POC1A: variants seen among roughly 807,000 people sequenced by gnomAD.
POC1A encodes the protein POC1 centriolar protein homolog A.
Under a neutral mutation model 47.8 loss-of-function variants are expected in POC1A, and 34 were observed. The ratio of observed to expected loss-of-function variants is 0.71; its 90% confidence interval spans 0.54 to 0.95. The LOEUF (loss-of-function observed/expected upper bound fraction) is 0.95, where lower values mean the gene tolerates loss of function less well. Ranked by LOEUF, POC1A falls within the 40% of genes least tolerant of loss-of-function variation. POC1A has a pLI of 0.00. For synonymous variants in POC1A, 177 were observed against 207.6 expected (o/e 0.85, Z 1.27); for missense variants, 466 against 528.3 (o/e 0.88, Z 1.16).
intron 6 of POC1A, among the ~76,000 whole-genome samples, chr3:52,141,478 G>A (rs760194801): frequency 2.0e-4 from 31 of 152,340 alleles, no homozygotes; most frequent in Non-Finnish European, 3.4e-4. Flanking sequence ...GGGTTGACAA[G>A]AGGCTTTGGA....
At position 52,093,703 on chromosome 3, in the gene POC1A, T is replaced by C. The variant is rs189718920; in HGVS notation, c.1125+2866A>G. Among the ~76,000 whole-genome samples, 117 of 152,328 alleles carry C rather than the reference T, an allele frequency of 7.7e-4. 1 individual carries two copies. Among genetic ancestry groups the C allele is most frequent in the East Asian group, 6.6e-3 (34 of 5,184 alleles). ...CAAAACCTGAGCCACTCCTCTCCAT[T>C]GGCTCACTCAGCTTCCTGGCTTCCA... On this transcript the variant is annotated intron_variant, in intron 10 of 10. Transcript: ENST00000296484.
intron 6 of POC1A, among the ~76,000 whole-genome samples, chr3:52,143,621 C>T (rs528272999): frequency 7.9e-5 from 12 of 152,262 alleles, no homozygotes; most frequent in Admixed American, 1.3e-4. Flanking sequence ...GCTGGCCCCT[C>T]CACCCCAACA....
intron 6 of POC1A, among the ~76,000 whole-genome samples, 171 bp from the exon 7 acceptor site, chr3:52,138,473 A>G (rs745414630): frequency 4.6e-5 from 7 of 152,124 alleles, no homozygotes; most frequent in Admixed American, 3.9e-4. Context: ...TTCCCAGGAG[A>G]GGGGCACAAT....
intron 9 of POC1A, among the ~76,000 whole-genome samples, chr3:52,116,246 C>A (rs988938717): frequency 6.6e-6 from 1 of 152,216 alleles, no homozygotes; most frequent in Non-Finnish European, 1.5e-5. Context: ...GAAGCCCACC[C>A]CTGTGGCAGT....
chr3:52,103,088 C>G (rs1237032332), intron 9 of POC1A, among the ~76,000 whole-genome samples: 1 of 152,168 alleles, frequency 6.6e-6, no homozygotes, highest in Non-Finnish European at 1.5e-5. Flanking sequence ...TAAAGGTGCA[C>G]AAACAACTTA....
chr3:52,117,735 G>C (rs187797686), intron 9 of POC1A, among the ~76,000 whole-genome samples: 1 of 152,018 alleles, frequency 6.6e-6, no homozygotes, highest in Admixed American at 6.6e-5. Flanking sequence ...CTAGAACTCT[G>C]TGTTCTCCTC....
At chr3:52,150,010 T>C (rs1407654771) in intron 2 of POC1A, 23 bp from the exon 3 acceptor site, 4 of 1,603,846 alleles carry the variant, frequency 2.5e-6, no homozygotes, top group Admixed American at 3.4e-5. Context: ...GGTGATGCTA[T>C]GACCTACAGC....
At chr3:52,096,992 G>A (rs1702839502) in intron 9 of POC1A, among the ~76,000 whole-genome samples, 1 of 152,250 alleles carries the variant, frequency 6.6e-6, no homozygotes, top group South Asian at 2.1e-4. Flanking sequence ...AGGCCAGTGA[G>A]TGGCCTCAGC....
At chr3:52,134,927 T>C (rs1312569801) in intron 7 of POC1A, among the ~76,000 whole-genome samples, 1 of 152,156 alleles carries the variant, frequency 6.6e-6, no homozygotes, top group Non-Finnish European at 1.5e-5. Flanking sequence ...AAGTGGCTGA[T>C]AGCAGCTGCG....
intron 9 of POC1A, among the ~76,000 whole-genome samples, chr3:52,117,307 T>G (rs368005903): frequency 1.1e-4 from 16 of 152,204 alleles, no homozygotes; most frequent in African/African-American, 3.9e-4. Flanking sequence ...GAGCCACAAT[T>G]GCGCCACTGT....
intron 7 of POC1A, among the ~76,000 whole-genome samples, chr3:52,130,209 C>T (rs191599088): frequency 6.6e-6 from 1 of 152,362 alleles, no homozygotes; most frequent in South Asian, 2.1e-4. Context: ...GATTGTCACA[C>T]CACATGCCCC....
At chr3:52,146,049 G>T in intron 5 of POC1A, 88 bp from the exon 6 acceptor site, 1 of 753,792 alleles carries the variant, frequency 1.3e-6, no homozygotes, top group Admixed American at 2.1e-5. Flanking sequence ...CCCCATCCCT[G>T]TGTCCTGCCC....
At chr3:52,106,999 G>C (rs943130707) in intron 9 of POC1A, among the ~76,000 whole-genome samples, 2 of 152,266 alleles carry the variant, frequency 1.3e-5, no homozygotes, top group African/African-American at 2.4e-5. Flanking sequence ...CCAGGAGGAA[G>C]AAGTTGATCT....
intron 7 of POC1A, among the ~76,000 whole-genome samples, chr3:52,137,665 T>C (rs1271025943): frequency 6.6e-6 from 1 of 152,106 alleles, no homozygotes; most frequent in Non-Finnish European, 1.5e-5. Flanking sequence ...TTGAAGCTCA[T>C]TCAGAAAGGA....
rs1279275235 is a variant in POC1A at position 52,084,639 on chromosome 3, C to T, written c.1126-8654G>A. ...TACTTCTCCAAGTGCAGGCTTCACT[C>T]GAGGCTTCCCCAGTCCATCCCCCTG... On this transcript the variant is annotated intron_variant, in intron 10 of 10. Transcript: ENST00000296484. The surrounding 1 kb of genome is among the most constrained non-coding windows in gnomAD (Gnocchi z 4.3). Among the ~76,000 whole-genome samples, 1 of 152,230 alleles carries T rather than the reference C, an allele frequency of 6.6e-6. No homozygotes were observed. Among genetic ancestry groups the T allele is most frequent in the Admixed American group, 6.5e-5 (1 of 15,292 alleles).
chr3:52,146,293 CA>C (rs1698362110), intron 5 of POC1A, among the ~76,000 whole-genome samples: 1 of 152,256 alleles, frequency 6.6e-6, no homozygotes, highest in Non-Finnish European at 1.5e-5. Context: ...GTACCCTTCC[CA>C]GGGGTGGCTG....
At chr3:52,151,557 G>A (rs1321942926) in intron 1 of POC1A, among the ~76,000 whole-genome samples, 10 of 149,738 alleles carry the variant, frequency 6.7e-5, no homozygotes, top group African/African-American at 2.0e-4. Flanking sequence ...CTTGCAGTGA[G>A]CAGAGATTGT....
chr3:52,149,447 A>G lies in POC1A; in HGVS notation c.276-58T>C, dbSNP rs879137394. Reference sequence around the variant, plus strand: ...CCATAACAGTGACATGAGAGCCCACAAGCACATCAAAGCTCTCCTACTCCT... The same window carrying G: ...CCATAACAGTGACATGAGAGCCCACGAGCACATCAAAGCTCTCCTACTCCT... On this transcript the variant is annotated intron_variant, in intron 3 of 10. Transcript: ENST00000296484. The G allele has an allele frequency of 5.9e-5, 87 of 1,486,134 alleles. 1 individual carries two copies. The South Asian group carries it at 9.3e-4, about 16-fold the overall frequency. 92.1% of individuals were successfully genotyped at this position (1,486,134 alleles called of 1,614,324 possible).
At chr3:52,153,629 T>C (rs1163137047) in intron 1 of POC1A, among the ~76,000 whole-genome samples, 10 of 152,226 alleles carry the variant, frequency 6.6e-5, no homozygotes, top group Non-Finnish European at 1.5e-4. Flanking sequence ...GTAGGTCCCA[T>C]GGTATCTCTC....
Sources: gnomAD v4.1 joint callset for allele counts (sites outside exome capture counted in the v4.1 genomes callset) on GRCh38, gnomAD v4.1.1 for gene constraint, Gnocchi (gnomAD v3.1) non-coding constraint, MANE v1.5 for transcripts, NCBI Gene and HGNC (gene_info 2026-07-23, HGNC 2026-07-21) for gene names.